The following EYS variants were observed in gnomAD, a reference collection of about 807,000 sequenced individuals.
EYS encodes the protein EGF-like photoreceptor maintenance factor.
In EYS, 250 loss-of-function variants were observed where a neutral mutation model predicts 282.1. That is an observed-to-expected ratio of 0.89 (90% CI 0.80 to 0.98). EYS has a LOEUF of 0.98. Among genes scored for constraint, EYS ranks in the 50% least tolerant of loss-of-function variants. The probability of loss-of-function intolerance (pLI) is 0.00; values close to 1 mark genes in which losing one functional copy is unlikely to be tolerated. For missense variants in EYS, 4,016 were observed against 3,709.0 expected, an observed-to-expected ratio of 1.08 and a Z score of -2.15; for synonymous variants, 1,355 against 1,282.9, an observed-to-expected ratio of 1.06 and a Z score of -1.20.
chr6:64,654,994 T>G (rs921164914), intron 22 of EYS, among the ~76,000 whole-genome samples: 1 of 152,142 alleles, frequency 6.6e-6, no homozygotes, highest in African/African-American at 2.4e-5. Context: ...CAGACCTCTA[T>G]TATCTCAGCC....
At chr6:63,863,707 T>C (rs551950588) in intron 36 of EYS, among the ~76,000 whole-genome samples, 1 of 135,984 alleles carries the variant, frequency 7.4e-6, no homozygotes, top group Non-Finnish European at 1.5e-5. Flanking sequence ...ATGGAGTCTC[T>C]CTCTGCTGCC....
intron 33 of EYS, among the ~76,000 whole-genome samples, chr6:64,055,338 G>A (rs1473452789): frequency 3.9e-5 from 6 of 151,938 alleles, no homozygotes; most frequent in South Asian, 2.1e-4. Context: ...TAATACTTTC[G>A]TTTGAGGGAT....
At chr6:65,556,727 G>A (rs879414770) in intron 2 of EYS, among the ~76,000 whole-genome samples, 3 of 152,048 alleles carry the variant, frequency 2.0e-5, no homozygotes, top group Admixed American at 2.0e-4. Flanking sequence ...CTTGTAATAT[G>A]TCTTTAGTTT....
intron 31 of EYS, among the ~76,000 whole-genome samples, chr6:64,132,303 T>C (rs1163754008): frequency 6.6e-6 from 1 of 151,780 alleles, no homozygotes; most frequent in African/African-American, 2.4e-5. Context: ...ATATAATGAG[T>C]TATTAGTTAT....
chr6:65,135,348 T>C (rs1030567317), intron 12 of EYS, among the ~76,000 whole-genome samples: 2 of 152,038 alleles, frequency 1.3e-5, no homozygotes, highest in Non-Finnish European at 2.9e-5. Context: ...TACTTTTTAT[T>C]GAAAAAAAAT....
chr6:65,436,380 C>A (rs777196465), intron 5 of EYS, among the ~76,000 whole-genome samples: 4 of 151,428 alleles, frequency 2.6e-5, no homozygotes, highest in African/African-American at 4.9e-5. Context: ...AAATGAGAAG[C>A]AAGAGAAGGT....
chr6:64,501,654 T>C lies in EYS; in HGVS notation c.5645-62302A>G, dbSNP rs1205779666. On this transcript the variant is annotated intron_variant, in intron 26 of 42. Coordinates refer to ENST00000503581, the MANE Select transcript of EYS (RefSeq NM_001142800.2). ...GCTGCTACTCGGAAATACCCAAACTTTGGATAAAAGAAGTTTTGACAAATT... is the reference window on the plus strand; with the variant it reads ...GCTGCTACTCGGAAATACCCAAACTCTGGATAAAAGAAGTTTTGACAAATT... 2.0e-5 allele frequency among the ~76,000 whole-genome samples: 3 copies of C among 152,026 alleles called. No homozygotes were observed. In the East Asian group the frequency reaches 5.8e-4, roughly 29 times the overall value.
At chr6:64,947,731 T>A (rs1327022896) in intron 14 of EYS, among the ~76,000 whole-genome samples, 2 of 151,382 alleles carry the variant, frequency 1.3e-5, no homozygotes, top group Non-Finnish European at 3.0e-5. Context: ...GTTTTATGAA[T>A]GTGCTATTTA....
chr6:64,825,547 C>T (rs752818037), intron 19 of EYS, among the ~76,000 whole-genome samples: 11 of 151,846 alleles, frequency 7.2e-5, no homozygotes, highest in Non-Finnish European at 1.6e-4. Flanking sequence ...AAATCCCAGC[C>T]TCTTCCCAAC....
chr6:64,524,824 C>A (rs960048255), intron 26 of EYS, among the ~76,000 whole-genome samples: 4 of 151,594 alleles, frequency 2.6e-5, no homozygotes, highest in African/African-American at 7.3e-5. Flanking sequence ...TTCCATTGGT[C>A]TATGGGTCTA....
chr6:64,094,010 A>G (rs1772480285), intron 31 of EYS, among the ~76,000 whole-genome samples: 1 of 152,172 alleles, frequency 6.6e-6, no homozygotes, highest in South Asian at 2.1e-4. Context: ...CTATTGAGGT[A>G]ATCATGTGGT....
intron 11 of EYS, among the ~76,000 whole-genome samples, chr6:65,318,119 G>C (rs554494282): frequency 6.6e-6 from 1 of 150,726 alleles, no homozygotes; most frequent in Non-Finnish European, 1.5e-5. Flanking sequence ...CGCCCACCTC[G>C]GCCTCCCAAA....
At chr6:64,159,062 A>G (rs770205929) in intron 31 of EYS, among the ~76,000 whole-genome samples, 4 of 152,182 alleles carry the variant, frequency 2.6e-5, no homozygotes, top group Non-Finnish European at 5.9e-5. Context: ...ATTGGCATCT[A>G]TGGGAGATTA....
intron 35 of EYS, among the ~76,000 whole-genome samples, chr6:63,866,015 A>G (rs1772662891): frequency 6.6e-6 from 1 of 152,188 alleles, no homozygotes; most frequent in South Asian, 2.1e-4. Context: ...ATAGCATTCT[A>G]CACATTGCAG....
chr6:64,424,350 T>C (rs996953904), intron 28 of EYS, among the ~76,000 whole-genome samples: 1 of 152,198 alleles, frequency 6.6e-6, no homozygotes, highest in Non-Finnish European at 1.5e-5. Context: ...AACACTGATA[T>C]TTTATTATCA....
intron 26 of EYS, among the ~76,000 whole-genome samples, chr6:64,457,059 T>C (rs1775579706): frequency 6.6e-6 from 1 of 152,034 alleles, no homozygotes; most frequent in East Asian, 1.9e-4. Context: ...TAGGTTTTTG[T>C]ATGCTGTGTT....
intron 42 of EYS, among the ~76,000 whole-genome samples, chr6:63,725,857 A>C (rs566612710): frequency 6.6e-6 from 1 of 152,292 alleles, no homozygotes; most frequent in East Asian, 1.9e-4. Flanking sequence ...TCTGAGAGAC[A>C]AGATCAAAGA....
At chr6:63,960,029 A>G (rs1354825706) in intron 35 of EYS, among the ~76,000 whole-genome samples, 2 of 151,922 alleles carry the variant, frequency 1.3e-5, no homozygotes, top group African/African-American at 2.4e-5. Context: ...GTAAAATTAA[A>G]AAAAAAAAAA....
intron 35 of EYS, among the ~76,000 whole-genome samples, chr6:63,958,339 A>G (rs1765909183): frequency 1.6e-5 from 2 of 127,862 alleles, no homozygotes; most frequent in African/African-American, 2.5e-5. Flanking sequence ...TAAACTATAG[A>G]GGAAGAAAAT....
Sources: allele counts gnomAD v4.1 joint callset (sites outside exome capture counted in the v4.1 genomes callset), GRCh38; gene constraint gnomAD v4.1.1; transcripts MANE v1.5; gene names NCBI Gene and HGNC (gene_info 2026-07-23, HGNC 2026-07-21).